The following PABPC4L variants were observed in gnomAD, a reference collection of about 807,000 sequenced individuals.
PABPC4L encodes the protein poly(A) binding protein cytoplasmic 4 like.
For missense variants in PABPC4L, 452 were observed against 451.4 expected, an observed-to-expected ratio of 1.00 and a Z score of -0.01; for synonymous variants, 169 against 164.1, an observed-to-expected ratio of 1.03 and a Z score of -0.23.
At chr4:134,184,430 C>G in the PABPC4L span, among the ~76,000 whole-genome samples, 3 of 152,004 alleles carry the variant, frequency 2.0e-5, no homozygotes, top group Non-Finnish European at 4.4e-5. Context: ...CCACTGGCAA[C>G]CACTGATTTT....
At chr4:133,981,094 G>T in the PABPC4L span, among the ~76,000 whole-genome samples, 1 of 152,084 alleles carries the variant, frequency 6.6e-6, no homozygotes, top group Non-Finnish European at 1.5e-5. Flanking sequence ...GTGGGAGGCT[G>T]AGGTTGCAGT....
chr4:134,067,078 C>T, the PABPC4L span, among the ~76,000 whole-genome samples: 15,315 of 152,074 alleles, frequency 0.1, 822 homozygotes, highest in South Asian at 0.14. Flanking sequence ...ATCTCTCCTC[C>T]TTAATTTTTT....
the PABPC4L span, among the ~76,000 whole-genome samples, chr4:133,996,266 C>T: frequency 6.6e-6 from 1 of 152,156 alleles, no homozygotes; most frequent in Non-Finnish European, 1.5e-5. Context: ...AGGCCCATAA[C>T]ATTAGAGATG....
At chr4:133,988,144 G>T in the PABPC4L span, among the ~76,000 whole-genome samples, 1 of 152,140 alleles carries the variant, frequency 6.6e-6, no homozygotes, top group Non-Finnish European at 1.5e-5. Context: ...AATTCAAGAT[G>T]ATATTCGGGT....
At chr4:134,164,369 A>G in the PABPC4L span, among the ~76,000 whole-genome samples, 42 of 152,040 alleles carry the variant, frequency 2.8e-4, no homozygotes, top group African/African-American at 9.9e-4. Context: ...GATTGGCTAC[A>G]TAGAAAATCC....
the PABPC4L span, among the ~76,000 whole-genome samples, chr4:134,180,684 A>C: frequency 3.3e-5 from 5 of 151,584 alleles, no homozygotes; most frequent in Non-Finnish European, 7.4e-5. Flanking sequence ...ACAAGCAGAA[A>C]AGACAAAGAG....
the PABPC4L span, among the ~76,000 whole-genome samples, chr4:134,057,290 T>C: frequency 6.6e-6 from 1 of 152,078 alleles, no homozygotes; most frequent in Non-Finnish European, 1.5e-5. Context: ...TGGTAATTTT[T>C]ACTATTCTAC....
the PABPC4L span, among the ~76,000 whole-genome samples, chr4:134,045,378 G>A: frequency 6.6e-6 from 1 of 152,120 alleles, no homozygotes; most frequent in Non-Finnish European, 1.5e-5. Flanking sequence ...GTTTGGAAGT[G>A]CATAGGAAGT....
the PABPC4L span, among the ~76,000 whole-genome samples, chr4:134,094,431 A>T: frequency 3.3e-5 from 5 of 152,028 alleles, no homozygotes; most frequent in South Asian, 2.1e-4. Context: ...TATATACTCT[A>T]TATCATTTTT....
At chr4:134,175,231 A>C in the PABPC4L span, among the ~76,000 whole-genome samples, 1 of 152,282 alleles carries the variant, frequency 6.6e-6, no homozygotes, top group East Asian at 1.9e-4. Flanking sequence ...ATGAAATCTG[A>C]AAAGCATGAA....
chr4:133,958,446 T>A, the PABPC4L span, among the ~76,000 whole-genome samples: 1 of 152,310 alleles, frequency 6.6e-6, no homozygotes, highest in Admixed American at 6.5e-5. Flanking sequence ...CTCCAAACTA[T>A]TCCATCCTTC....
the PABPC4L span, among the ~76,000 whole-genome samples, chr4:134,182,107 C>CA: frequency 6.7e-6 from 1 of 149,620 alleles, no homozygotes; most frequent in Non-Finnish European, 1.5e-5. Flanking sequence ...AAAACAAAAA[C>CA]AAAAAAACTA....
At chr4:134,078,967 C>CTT in the PABPC4L span, among the ~76,000 whole-genome samples, 34 of 63,800 alleles carry the variant, frequency 5.3e-4, no homozygotes, top group East Asian at 1.6e-3. Context: ...CGTGCCCGGG[C>CTT]TTTTTTTTTT....
At chr4:134,110,924 T>C in the PABPC4L span, among the ~76,000 whole-genome samples, 1 of 151,996 alleles carries the variant, frequency 6.6e-6, no homozygotes, top group African/African-American at 2.4e-5. Context: ...TATATATGTA[T>C]ACAAATACGT....
chr4:133,994,490 G>A, the PABPC4L span, among the ~76,000 whole-genome samples: 1,020 of 152,180 alleles, frequency 6.7e-3, 13 homozygotes, highest in African/African-American at 0.024. Flanking sequence ...ACATGTTAGG[G>A]GATGCGTGCT....
At chr4:134,168,287 G>A in the PABPC4L span, among the ~76,000 whole-genome samples, 130 of 151,996 alleles carry the variant, frequency 8.6e-4, 1 homozygote, top group African/African-American at 3.1e-3. Flanking sequence ...GTAATAAAAG[G>A]AATGTTTATA....
At chr4:134,066,660 G>A in the PABPC4L span, among the ~76,000 whole-genome samples, 4 of 152,194 alleles carry the variant, frequency 2.6e-5, no homozygotes, top group South Asian at 8.3e-4. Flanking sequence ...CGTACAGTAT[G>A]ATGTTGGCTG....
At chr4:134,003,458 C>A in the PABPC4L span, among the ~76,000 whole-genome samples, 2 of 151,626 alleles carry the variant, frequency 1.3e-5, no homozygotes, top group Admixed American at 1.3e-4. Flanking sequence ...TCTATTTTTT[C>A]CTTGTTGCAT....
chr4:134,083,563 A>G, the PABPC4L span, among the ~76,000 whole-genome samples: 1 of 152,178 alleles, frequency 6.6e-6, no homozygotes, highest in East Asian at 1.9e-4. Context: ...GTCTCTAGCC[A>G]CATACCTGAT....
Sources: allele counts gnomAD v4.1 joint callset (sites outside exome capture counted in the v4.1 genomes callset), GRCh38; gene constraint gnomAD v4.1.1; transcripts MANE v1.5; gene names NCBI Gene and HGNC (gene_info 2026-07-23, HGNC 2026-07-21).